LRRC4C: variants seen among roughly 807,000 people sequenced by gnomAD.
LRRC4C encodes leucine rich repeat containing 4C.
LRRC4C carries 5 observed loss-of-function variants against 33.6 expected under a neutral mutation model. The ratio of observed to expected loss-of-function variants is 0.15; its 90% CI spans 0.08 to 0.31. LRRC4C has a LOEUF of 0.31. LRRC4C is among the 10% of genes least tolerant of loss of function. LRRC4C has a pLI of 1.00. For missense variants in LRRC4C, 560 were observed against 796.7 expected, an observed-to-expected ratio of 0.70 and a Z score of 3.58; for synonymous variants, 329 against 302.0, an observed-to-expected ratio of 1.09 and a Z score of -0.93.
intron 1 of LRRC4C, among the ~76,000 whole-genome samples, chr11:41,340,724 G>C (rs1032937076): frequency 6.6e-6 from 1 of 152,096 alleles, no homozygotes; most frequent in African/African-American, 2.4e-5. Context: ...AAATAAAGAT[G>C]GCAATAAAGA....
chr11:40,845,342 TCCCC>T (rs1953107694), intron 2 of LRRC4C, among the ~76,000 whole-genome samples: 1 of 152,048 alleles, frequency 6.6e-6, no homozygotes, highest in Non-Finnish European at 1.5e-5. Context: ...TGTGTGATGC[TCCCC>T]TCCCAGTGCC....
intron 1 of LRRC4C, among the ~76,000 whole-genome samples, chr11:41,062,138 G>T (rs530875410): frequency 2.0e-5 from 3 of 152,320 alleles, no homozygotes; most frequent in South Asian, 4.1e-4. Flanking sequence ...GTGTGAGTTT[G>T]TTACATAGGT....
At chr11:40,961,859 C>T (rs1252231374) in intron 1 of LRRC4C, among the ~76,000 whole-genome samples, 1 of 151,666 alleles carries the variant, frequency 6.6e-6, no homozygotes, top group Non-Finnish European at 1.5e-5. Flanking sequence ...GAAACCTCCA[C>T]ACCAGATGCT....
intron 1 of LRRC4C, among the ~76,000 whole-genome samples, chr11:41,403,230 A>G (rs963641758): frequency 6.6e-6 from 1 of 152,112 alleles, no homozygotes; most frequent in Non-Finnish European, 1.5e-5. Flanking sequence ...TTATTTAAGT[A>G]TATCAGCCAT....
At chr11:41,239,132 G>T (rs1306263493) in intron 1 of LRRC4C, among the ~76,000 whole-genome samples, 1 of 145,044 alleles carries the variant, frequency 6.9e-6, no homozygotes, top group Non-Finnish European at 1.5e-5. Context: ...TGGCCAACAC[G>T]GTGAAACCCC....
intron 3 of LRRC4C, among the ~76,000 whole-genome samples, chr11:40,604,761 T>C (rs1960389272): frequency 6.7e-6 from 1 of 149,850 alleles, no homozygotes; most frequent in South Asian, 2.1e-4. Context: ...AAAGATGAGA[T>C]AAAAAGGATG....
chr11:40,768,632 C>G (rs1307407180), intron 2 of LRRC4C, among the ~76,000 whole-genome samples: 1 of 152,042 alleles, frequency 6.6e-6, no homozygotes, highest in East Asian at 1.9e-4. Flanking sequence ...TTGAAAGGAT[C>G]ATTCACTATG....
intron 3 of LRRC4C, among the ~76,000 whole-genome samples, chr11:40,596,922 T>A (rs1301999610): frequency 6.6e-6 from 1 of 152,176 alleles, no homozygotes; most frequent in Non-Finnish European, 1.5e-5. Context: ...CATATACCCA[T>A]GGAATATTAT....
chr11:40,178,727 T>C (rs2135497930), intron 5 of LRRC4C, among the ~76,000 whole-genome samples: 1 of 152,324 alleles, frequency 6.6e-6, no homozygotes, highest in African/African-American at 2.4e-5. Flanking sequence ...GAGGGAGATG[T>C]GGACAGGCAG....
chr11:40,260,441 T>C (rs1341598156), intron 4 of LRRC4C, among the ~76,000 whole-genome samples: 1 of 146,346 alleles, frequency 6.8e-6, no homozygotes, highest in African/African-American at 2.5e-5. Context: ...CATTGGGAGA[T>C]ATACCTAATG....
At chr11:41,364,523 G>T (rs2137704833) in intron 1 of LRRC4C, among the ~76,000 whole-genome samples, 1 of 152,170 alleles carries the variant, frequency 6.6e-6, no homozygotes, top group Admixed American at 6.5e-5. Context: ...TGATCCACCT[G>T]CCTGGGCCTC....
At chr11:40,693,699 G>A (rs10837480) in intron 2 of LRRC4C, among the ~76,000 whole-genome samples, 9,929 of 152,058 alleles carry the variant, frequency 0.065, 1,087 homozygotes, top group African/African-American at 0.23. Context: ...ATAGCAAGAG[G>A]CACAGCAAAA....
intron 3 of LRRC4C, among the ~76,000 whole-genome samples, chr11:40,608,062 A>G (rs913425292): frequency 1.3e-5 from 2 of 152,188 alleles, no homozygotes; most frequent in African/African-American, 4.8e-5. Context: ...ATATGAAACT[A>G]TATAGCTTTC....
chr11:40,124,390 A>C (rs1856052658), intron 6 of LRRC4C, among the ~76,000 whole-genome samples: 1 of 152,200 alleles, frequency 6.6e-6, no homozygotes, highest in South Asian at 2.1e-4. Context: ...AATATCAAAG[A>C]TTTGGAAGCA....
intron 3 of LRRC4C, among the ~76,000 whole-genome samples, chr11:40,387,511 A>G (rs1212349421): frequency 2.6e-5 from 4 of 152,134 alleles, no homozygotes; most frequent in Admixed American, 6.6e-5. Flanking sequence ...TTTTTTATAA[A>G]GGGTTCATTT....
chr11:40,286,623 T>A (rs1211826078), intron 4 of LRRC4C, among the ~76,000 whole-genome samples: 1 of 152,152 alleles, frequency 6.6e-6, no homozygotes, highest in African/African-American at 2.4e-5. Flanking sequence ...CCCATTTCTG[T>A]TTTAAATAAC....
chr11:41,304,179 T>C (rs1243927762), intron 1 of LRRC4C, among the ~76,000 whole-genome samples: 3 of 82,750 alleles, frequency 3.6e-5, no homozygotes, highest in Non-Finnish European at 8.1e-5. Context: ...GGTGGGGGGG[T>C]CAGCCCCCCG....
At chr11:40,543,166 ACT>A (rs1956790946) in intron 3 of LRRC4C, among the ~76,000 whole-genome samples, 1 of 151,662 alleles carries the variant, frequency 6.6e-6, no homozygotes, top group Non-Finnish European at 1.5e-5. Context: ...GTCATGCATT[ACT>A]CTCTATAAAT....
intron 1 of LRRC4C, among the ~76,000 whole-genome samples, chr11:41,306,799 G>A (rs1190027658): frequency 6.6e-6 from 1 of 152,192 alleles, no homozygotes; most frequent in African/African-American, 2.4e-5. Flanking sequence ...TTGCTCCACT[G>A]TAACTTTGCA....
Sources: allele counts gnomAD v4.1 joint callset (sites outside exome capture counted in the v4.1 genomes callset), GRCh38; gene constraint gnomAD v4.1.1; transcripts MANE v1.5; gene names NCBI Gene and HGNC (gene_info 2026-07-23, HGNC 2026-07-21).